Variants in STX8 observed in about 807,000 individuals in gnomAD.
STX8 encodes the protein syntaxin 8, also known as syntaxin-8.
In STX8, 23 loss-of-function variants were observed where a neutral mutation model predicts 37.5. The observed-to-expected ratio is 0.61, with a 90% CI of 0.44 to 0.87. STX8 has a LOEUF of 0.87. Ranked by LOEUF, STX8 falls within the 40% of genes least tolerant of loss-of-function variation. The probability of loss-of-function intolerance (pLI) is 0.00; values close to 1 mark genes in which losing one functional copy is unlikely to be tolerated. For synonymous variants in STX8, 115 were observed against 99.1 expected (o/e 1.16, Z -0.95); for missense variants, 313 against 284.7 (o/e 1.10, Z -0.71).
chr17:9,399,510 G>A (rs1165912819), intron 6 of STX8, among the ~76,000 whole-genome samples: 2 of 152,130 alleles, frequency 1.3e-5, no homozygotes, highest in Non-Finnish European at 2.9e-5. Flanking sequence ...AAGAAAAAGT[G>A]GGCGTCAGCT....
chr17:9,262,012 A>T (rs751614365), intron 7 of STX8, among the ~76,000 whole-genome samples: 3 of 152,230 alleles, frequency 2.0e-5, no homozygotes, highest in Non-Finnish European at 2.9e-5. Flanking sequence ...TCCTATTTGG[A>T]TACTTTACCT....
intron 6 of STX8, among the ~76,000 whole-genome samples, chr17:9,404,735 G>A (rs937184943): frequency 6.6e-6 from 1 of 152,196 alleles, no homozygotes; most frequent in African/African-American, 2.4e-5. Flanking sequence ...TTACAGGCGT[G>A]AGCCACTGCG....
At chr17:9,268,987 A>G (rs907903410) in intron 7 of STX8, among the ~76,000 whole-genome samples, 1 of 152,146 alleles carries the variant, frequency 6.6e-6, no homozygotes, top group Non-Finnish European at 1.5e-5. Flanking sequence ...GCAGATCGAG[A>G]CCATCCTGGC....
intron 4 of STX8, among the ~76,000 whole-genome samples, chr17:9,537,077 T>G (rs1906089967): frequency 6.6e-6 from 1 of 151,934 alleles, no homozygotes; most frequent in African/African-American, 2.4e-5. Flanking sequence ...GACAAACTAA[T>G]CCCCCCATGG....
chr17:9,271,383 A>G (rs1421708915), intron 7 of STX8, among the ~76,000 whole-genome samples: 1 of 152,140 alleles, frequency 6.6e-6, no homozygotes, highest in Non-Finnish European at 1.5e-5. Context: ...GAACCCAGGA[A>G]GCGGACGTTG....
intron 6 of STX8, among the ~76,000 whole-genome samples, chr17:9,462,659 G>A (rs1905446848): frequency 6.6e-6 from 1 of 151,888 alleles, no homozygotes. Context: ...GAAGGTGGAG[G>A]TTGCAGTGAG....
chr17:9,497,978 T>TA (rs1447913035), intron 5 of STX8, among the ~76,000 whole-genome samples: 2 of 151,972 alleles, frequency 1.3e-5, no homozygotes, highest in African/African-American at 4.8e-5. Context: ...GTTTACACAG[T>TA]CAAAAAAGTA....
intron 2 of STX8, among the ~76,000 whole-genome samples, chr17:9,564,322 A>G (rs1907371084): frequency 6.6e-6 from 1 of 151,928 alleles, no homozygotes; most frequent in Non-Finnish European, 1.5e-5. Context: ...GAAGGGAGAG[A>G]AAGAGAGAAA....
intron 6 of STX8, among the ~76,000 whole-genome samples, chr17:9,420,800 G>A (rs970535865): frequency 2.6e-5 from 4 of 152,132 alleles, no homozygotes; most frequent in Non-Finnish European, 5.9e-5. Flanking sequence ...TCAGTCTTCC[G>A]TCTATTGATG....
intron 6 of STX8, among the ~76,000 whole-genome samples, chr17:9,453,640 G>T (rs576359777): frequency 3.3e-5 from 5 of 151,844 alleles, no homozygotes; most frequent in Non-Finnish European, 7.4e-5. Flanking sequence ...TCACAGGCAT[G>T]TGCCACCATG....
At chr17:9,458,780 G>GT (rs566206608) in intron 6 of STX8, among the ~76,000 whole-genome samples, 178 of 152,052 alleles carry the variant, frequency 1.2e-3, no homozygotes, top group Non-Finnish European at 1.6e-3. Flanking sequence ...TTATATAGGC[G>GT]TATCGGCCAG....
At chr17:9,447,188 A>G (rs986061938) in intron 6 of STX8, among the ~76,000 whole-genome samples, 1 of 152,164 alleles carries the variant, frequency 6.6e-6, no homozygotes, top group South Asian at 2.1e-4. Flanking sequence ...GAAAACTTAT[A>G]ATTACTTTTA....
chr17:9,428,486 C>T (rs1358817828), intron 6 of STX8, among the ~76,000 whole-genome samples: 4 of 152,180 alleles, frequency 2.6e-5, no homozygotes, highest in Non-Finnish European at 4.4e-5. Flanking sequence ...GTGATCCACC[C>T]GCCTTGGCCT....
At chr17:9,370,009 G>T (rs1161890931) in intron 7 of STX8, among the ~76,000 whole-genome samples, 6 of 151,682 alleles carry the variant, frequency 4.0e-5, no homozygotes, top group African/African-American at 1.5e-4. Context: ...AGGCTGGGGG[G>T]TTGAGGCCAG....
intron 6 of STX8, among the ~76,000 whole-genome samples, chr17:9,429,270 T>C (rs780486080): frequency 6.8e-6 from 1 of 147,294 alleles, no homozygotes; most frequent in Non-Finnish European, 1.5e-5. Flanking sequence ...TGGCACATTT[T>C]GTTTTATATA....
At chr17:9,366,533 G>A (rs114151162) in intron 7 of STX8, among the ~76,000 whole-genome samples, 127 of 152,242 alleles carry the variant, frequency 8.3e-4, no homozygotes, top group African/African-American at 2.6e-3. Context: ...CCCGGCCTGC[G>A]TTACATTTCT....
rs190191650 is a variant in STX8 at position 9,496,356 on chromosome 17, G to A, written c.449-4435C>T. ...CTCCCAAAGTGCTGGGATTACAGGC[G>A]TGAGCCACCACACCCAGCCACCATG... On this transcript the variant is annotated intron_variant, in intron 5 of 7. Transcript: ENST00000306357. Among the ~76,000 whole-genome samples the A allele has an allele frequency of 3.3e-3, 503 of 152,238 alleles. 6 individuals carry two copies. The highest frequency in any genetic ancestry group is 0.012 in the African/African-American group (481 of 41,540).
chr17:9,381,818 A>C (rs1430780199), intron 6 of STX8, among the ~76,000 whole-genome samples: 1 of 152,136 alleles, frequency 6.6e-6, no homozygotes, highest in Non-Finnish European at 1.5e-5. Context: ...AAAATACCAA[A>C]ATTAGCTGGG....
intron 7 of STX8, among the ~76,000 whole-genome samples, chr17:9,250,852 G>C (rs115744019): frequency 0.01 from 1,590 of 152,092 alleles, 26 homozygotes; most frequent in African/African-American, 0.031. Context: ...GAAGGCAGGG[G>C]CCTGGGTGTG....
Sources: gnomAD v4.1 joint callset for allele counts (sites outside exome capture counted in the v4.1 genomes callset) on GRCh38, gnomAD v4.1.1 for gene constraint, MANE v1.5 for transcripts, NCBI Gene and HGNC (gene_info 2026-07-23, HGNC 2026-07-21) for gene names.